Variants in C2orf78 observed in about 807,000 individuals in gnomAD.
C2orf78 encodes uncharacterized protein C2orf78.
Under a neutral mutation model 21.4 loss-of-function variants are expected in C2orf78, and 12 were observed. The observed-to-expected ratio is 0.56, with a 90% CI of 0.36 to 0.91. C2orf78 has a LOEUF of 0.91. C2orf78 is among the 40% of genes least tolerant of loss of function. The pLI is 0.01. For synonymous variants in C2orf78, 396 were observed against 413.9 expected (o/e 0.96, Z 0.52); for missense variants, 1,042 against 1,092.4 (o/e 0.95, Z 0.65).
At chr2:73,810,662 T>C (rs1673065640) in intron 1 of C2orf78, among the ~76,000 whole-genome samples, 1 of 130,612 alleles carries the variant, frequency 7.7e-6, no homozygotes, top group African/African-American at 3.2e-5. Flanking sequence ...ATATCTATAA[T>C]ATATATAATA....
At position 73,808,303 on chromosome 2, in the gene C2orf78, T is replaced by C. The variant is rs930249708; in HGVS notation, c.98-5174T>C. Reference sequence around the variant, plus strand: ...AGCAGCAGTAAATTCATTAATCAGATTCACTGAAATAGTTTTAGAACAACT... The same window carrying C: ...AGCAGCAGTAAATTCATTAATCAGACTCACTGAAATAGTTTTAGAACAACT... On this transcript the variant is annotated intron_variant, in intron 1 of 2. Coordinates refer to ENST00000409561, the Ensembl canonical transcript of C2orf78. 1.5e-4 allele frequency among the ~76,000 whole-genome samples: 23 copies of C among 151,152 alleles called. 1 individual carries two copies. In the East Asian group the frequency reaches 1.5e-3, roughly 10 times the overall value.
At chr2:73,810,532 A>C (rs1573199112) in intron 1 of C2orf78, among the ~76,000 whole-genome samples, 1 of 76,732 alleles carries the variant, frequency 1.3e-5, no homozygotes, top group Admixed American at 1.4e-4. Flanking sequence ...TGTCTCAAAA[A>C]GAAAATATAT....
chr2:73,784,268 A>C (rs1419350019), exon 1 of C2orf78: 1 of 1,456,078 alleles, frequency 6.9e-7, no homozygotes, highest in Non-Finnish European at 9.2e-7. Context: ...ACAAGGGGCC[A>C]GTGACCAGTA....
chr2:73,809,415 T>C (rs1394529890), intron 1 of C2orf78, among the ~76,000 whole-genome samples: 1 of 152,014 alleles, frequency 6.6e-6, no homozygotes, highest in African/African-American at 2.4e-5. Flanking sequence ...CTCAGCACTT[T>C]GGGAGGCCAT....
exon 2 of C2orf78, chr2:73,814,002 G>A (rs766819861): frequency 1.1e-5 from 18 of 1,613,894 alleles, no homozygotes; most frequent in Non-Finnish European, 1.7e-6. Flanking sequence ...TGCCAGATAG[G>A]AAGCCAGGTC....
exon 3 of C2orf78, chr2:73,816,486 G>A: frequency 6.2e-7 from 1 of 1,613,894 alleles, no homozygotes; most frequent in East Asian, 2.2e-5. Flanking sequence ...TGCTCGACCT[G>A]ATTCTACTAA....
At chr2:73,807,169 G>T (rs1672975003) in intron 1 of C2orf78, among the ~76,000 whole-genome samples, 3 of 118,388 alleles carry the variant, frequency 2.5e-5, no homozygotes, top group South Asian at 5.5e-4. Context: ...GACAGAGAGA[G>T]ACTCTGTCTC....
At chr2:73,784,760 G>C (rs1672893306) in intron 1 of C2orf78, among the ~76,000 whole-genome samples, 1 of 151,382 alleles carries the variant, frequency 6.6e-6, no homozygotes, top group Non-Finnish European at 1.5e-5. Flanking sequence ...AAAAACCAAA[G>C]TGGTCTAGAA....
At chr2:73,816,140 A>G in exon 3 of C2orf78, 3 of 1,613,834 alleles carry the variant, frequency 1.9e-6, no homozygotes, top group Middle Eastern at 1.6e-4. Context: ...TTTTCCATGC[A>G]CTCGGGAAAA....
At chr2:73,812,368 TACTATA>T (rs1408379898) in intron 1 of C2orf78, among the ~76,000 whole-genome samples, 1 of 152,248 alleles carries the variant, frequency 6.6e-6, no homozygotes, top group Non-Finnish European at 1.5e-5. Flanking sequence ...TTTCAGAACT[TACTATA>T]TCTTCCTCAT....
chr2:73,808,050 TCGAACCATC>T (rs1672993675), intron 1 of C2orf78, among the ~76,000 whole-genome samples: 4 of 151,110 alleles, frequency 2.6e-5, no homozygotes, highest in Admixed American at 2.0e-4. Flanking sequence ...GGTCAGGTGA[TCGAACCATC>T]CTGGCTAACA....
chr2:73,809,940 C>T (rs1236024495), intron 1 of C2orf78, among the ~76,000 whole-genome samples: 7 of 151,774 alleles, frequency 4.6e-5, no homozygotes, highest in Non-Finnish European at 2.9e-5. Flanking sequence ...GACAGGGTCC[C>T]CTACTTTTCC....
intron 1 of C2orf78, 143 bp downstream of exon 1, chr2:73,784,549 G>A (rs1383112984): frequency 1.4e-6 from 1 of 724,150 alleles, no homozygotes; most frequent in Non-Finnish European, 2.1e-6. Context: ...TTTCAGTTTT[G>A]GCTTTGACAT....
intron 2 of C2orf78, 121 bp from the exon 3 acceptor site, chr2:73,814,950 C>A (rs982047145): frequency 1.1e-6 from 1 of 895,112 alleles, no homozygotes; most frequent in Non-Finnish European, 1.7e-6. Flanking sequence ...TGCCCATGGT[C>A]CTTAAGAAGA....
At chr2:73,810,817 T>TA (rs56310843) in intron 1 of C2orf78, among the ~76,000 whole-genome samples, 76,726 of 129,234 alleles carry the variant, frequency 0.59, 23,420 homozygotes, top group East Asian at 0.7. Context: ...ACATGTATAA[T>TA]TAATATACAT....
At chr2:73,792,696 TC>T (rs1672948250) in intron 1 of C2orf78, among the ~76,000 whole-genome samples, 2 of 105,476 alleles carry the variant, frequency 1.9e-5, no homozygotes. Flanking sequence ...GGCCCAAGAT[TC>T]TATAGTGGCT....
intron 1 of C2orf78, among the ~76,000 whole-genome samples, chr2:73,811,165 C>T (rs1394054865): frequency 2.0e-5 from 3 of 151,498 alleles, no homozygotes; most frequent in Non-Finnish European, 4.4e-5. Context: ...GTGACAGGCG[C>T]CTGTAAACCC....
At chr2:73,815,818 T>C in exon 3 of C2orf78, 1 of 1,613,692 alleles carries the variant, frequency 6.2e-7, no homozygotes. Flanking sequence ...AGAGAAGTGG[T>C]TGTTGGCAGT....
At chr2:73,810,537 AT>A (rs1673058733) in intron 1 of C2orf78, among the ~76,000 whole-genome samples, 5 of 16,654 alleles carry the variant, frequency 3.0e-4, no homozygotes, top group Middle Eastern at 0.12. Flanking sequence ...CAAAAAGAAA[AT>A]ATATATATAT....
Sources: allele counts gnomAD v4.1 joint callset (sites outside exome capture counted in the v4.1 genomes callset), GRCh38; gene constraint gnomAD v4.1.1; transcripts MANE v1.5; gene names NCBI Gene and HGNC (gene_info 2026-07-23, HGNC 2026-07-21).